Variants in DOK6 observed in about 807,000 individuals in gnomAD.
DOK6 encodes the protein docking protein 6.
DOK6 carries 22 observed loss-of-function variants against 44.0 expected under a neutral mutation model. That is an observed-to-expected ratio of 0.50 (90% CI 0.36 to 0.71). The LOEUF (loss-of-function observed/expected upper bound fraction) is 0.71. Ranked by LOEUF, DOK6 falls within the 30% of genes least tolerant of loss-of-function variation. DOK6 has a pLI of 0.00. For missense variants in DOK6, 340 were observed against 416.4 expected, an observed-to-expected ratio of 0.82 and a Z score of 1.60; for synonymous variants, 166 against 145.5, an observed-to-expected ratio of 1.14 and a Z score of -1.01.
chr18:69,811,872 A>C (rs1981249806), intron 7 of DOK6, among the ~76,000 whole-genome samples: 1 of 152,044 alleles, frequency 6.6e-6, no homozygotes, highest in Non-Finnish European at 1.5e-5. Flanking sequence ...CTGCCATTTA[A>C]GTTACCTTGA....
chr18:69,563,693 C>G (rs1982898007), intron 1 of DOK6, among the ~76,000 whole-genome samples: 1 of 151,496 alleles, frequency 6.6e-6, no homozygotes, highest in Admixed American at 6.6e-5. Context: ...GGAGATATAC[C>G]TAATGTTAAA....
At chr18:69,580,851 G>C (rs1295324071) in intron 2 of DOK6, among the ~76,000 whole-genome samples, 3 of 151,884 alleles carry the variant, frequency 2.0e-5, no homozygotes, top group African/African-American at 7.3e-5. Context: ...ACCCTTCCCA[G>C]CCTCTAATAA....
At chr18:69,622,636 G>T (rs1370595052) in intron 3 of DOK6, among the ~76,000 whole-genome samples, 3 of 152,172 alleles carry the variant, frequency 2.0e-5, no homozygotes, top group Non-Finnish European at 4.4e-5. Flanking sequence ...CAGAAAATTA[G>T]ATTTAATGCA....
chr18:69,802,493 A>T (rs961826122), intron 7 of DOK6, among the ~76,000 whole-genome samples: 5 of 152,020 alleles, frequency 3.3e-5, no homozygotes, highest in Admixed American at 3.3e-4. Context: ...TATGGTTTGG[A>T]TGTTTTGTCA....
At chr18:69,747,050 C>T (rs1479021523) in intron 6 of DOK6, among the ~76,000 whole-genome samples, 1 of 152,110 alleles carries the variant, frequency 6.6e-6, no homozygotes, top group African/African-American at 2.4e-5. Context: ...TTATATTATC[C>T]CTCTGTACCT....
rs1986447554 is a variant in DOK6, at chr18:69,698,723, C to T, written c.599+130C>T. 8.2e-5 allele frequency: 64 copies of T among 779,600 alleles called. 1 individual carries two copies. In the South Asian group the frequency reaches 2.1e-3, roughly 25 times the overall value. The allele number at this position is 779,600 out of a possible 1,614,324, so 48.3% of individuals were successfully genotyped here. A position where few individuals can be genotyped will look rare whatever the true frequency, so the allele number is the denominator to read the frequency against. On this transcript the variant is annotated intron_variant, in intron 5 of 7. Transcript: ENST00000382713. ...CTGTTTTCATTCAGGGTAAAAGTTA[C>T]CAAATACATAATTTCTTCAGATTCT... is the stretch of plus-strand genomic sequence containing the variant.
intron 3 of DOK6, chr18:69,663,440 A>AATCAC (rs1476389573): frequency 6.6e-6 from 1 of 152,172 alleles, no homozygotes; most frequent in Non-Finnish European, 1.5e-5. Context: ...AAAAAAAAGA[A>AATCAC]ATCACAAGTC....
intron 4 of DOK6, among the ~76,000 whole-genome samples, chr18:69,684,986 T>C (rs943637655): frequency 6.6e-6 from 1 of 152,134 alleles, no homozygotes; most frequent in African/African-American, 2.4e-5. Flanking sequence ...ATGACCCCTT[T>C]TCCTCTGCCA....
At chr18:69,479,090 A>AAGC (rs34331031) in intron 1 of DOK6, among the ~76,000 whole-genome samples, 31,640 of 152,066 alleles carry the variant, frequency 0.21, 3,607 homozygotes, top group Non-Finnish European at 0.26. Flanking sequence ...GGAGGTAAGG[A>AAGC]AGCATGTAAC....
rs1304843351 is a variant in DOK6, at chr18:69,743,185, CTG to C, written c.738+4083_738+4084del. On this transcript the variant is annotated intron_variant, in intron 6 of 7. Coordinates refer to ENST00000382713, the MANE Select transcript of DOK6 (RefSeq NM_152721.6). ...TTAAGCTAGGGTAATACATATTAAA[CTG>C]GAACTATTTTTGAGGAATATGTTTC... Among the ~76,000 whole-genome samples, 7 of 152,252 alleles carry C rather than the reference CTG, an allele frequency of 4.6e-5. No homozygotes were observed. The East Asian group carries it at 1.4e-3, about 29-fold the overall frequency.
At chr18:69,627,671 G>T (rs369524630) in intron 3 of DOK6, among the ~76,000 whole-genome samples, 2 of 151,904 alleles carry the variant, frequency 1.3e-5, no homozygotes, top group Non-Finnish European at 2.9e-5. Context: ...GGATGGTCTC[G>T]ATCTCCTGAC....
intron 5 of DOK6, among the ~76,000 whole-genome samples, chr18:69,732,440 C>T (rs1978440833): frequency 6.6e-6 from 1 of 152,142 alleles, no homozygotes; most frequent in African/African-American, 2.4e-5. Context: ...CACATCTTTA[C>T]ATGGTGGGTT....
chr18:69,753,771 T>TA (rs1979262460), intron 6 of DOK6, among the ~76,000 whole-genome samples: 1 of 151,718 alleles, frequency 6.6e-6, no homozygotes, highest in Non-Finnish European at 1.5e-5. Context: ...GTCTTATAAA[T>TA]AACAAGGGAA....
intron 1 of DOK6, among the ~76,000 whole-genome samples, chr18:69,527,161 T>A (rs1303637519): frequency 6.6e-6 from 1 of 152,168 alleles, no homozygotes; most frequent in African/African-American, 2.4e-5. Flanking sequence ...AGTCTTACAG[T>A]CTTCATTCAT....
intron 5 of DOK6, among the ~76,000 whole-genome samples, chr18:69,717,035 A>T (rs1315380367): frequency 2.0e-5 from 3 of 152,164 alleles, no homozygotes; most frequent in African/African-American, 7.2e-5. Flanking sequence ...TTGTCATATG[A>T]ATATACTATA....
At chr18:69,448,838 G>A (rs1176432140) in intron 1 of DOK6, among the ~76,000 whole-genome samples, 5 of 152,224 alleles carry the variant, frequency 3.3e-5, no homozygotes, top group African/African-American at 1.2e-4. Flanking sequence ...TGAGTGCCAT[G>A]TATATATTTG....
chr18:69,600,354 C>G (rs960511791), intron 3 of DOK6, among the ~76,000 whole-genome samples: 4 of 152,136 alleles, frequency 2.6e-5, no homozygotes, highest in African/African-American at 9.7e-5. Context: ...TCTCACCGAC[C>G]TTATCTTAGT....
intron 1 of DOK6, among the ~76,000 whole-genome samples, chr18:69,542,617 A>G (rs2144582038): frequency 6.6e-6 from 1 of 151,768 alleles, no homozygotes; most frequent in South Asian, 2.1e-4. Flanking sequence ...AACAATAAAA[A>G]TGAAAATATA....
intron 3 of DOK6, chr18:69,647,341 C>T (rs8097567): frequency 0.93 from 141,063 of 152,182 alleles, 66,349 homozygotes; most frequent in East Asian, 1. Context: ...CACTGGCTCT[C>T]TTGGTTGAAG....
Sources: allele counts gnomAD v4.1 joint callset (sites outside exome capture counted in the v4.1 genomes callset), GRCh38; gene constraint gnomAD v4.1.1; transcripts MANE v1.5; gene names NCBI Gene and HGNC (gene_info 2026-07-23, HGNC 2026-07-21).